Variants in LRRC56 observed in about 807,000 individuals in gnomAD.
The protein encoded by LRRC56 is leucine rich repeat containing 56.
LRRC56 carries 41 observed loss-of-function variants against 47.8 expected under a neutral mutation model. That is an observed-to-expected ratio of 0.86 (90% CI 0.67 to 1.11). The LOEUF is 1.11. Among genes scored for constraint, LRRC56 ranks in the 50% most tolerant of loss-of-function variants. LRRC56 has a pLI of 0.00. For synonymous variants in LRRC56, 387 were observed against 311.2 expected (o/e 1.24, Z -2.56); for missense variants, 759 against 704.2 (o/e 1.08, Z -0.88).
chr11:536,924 C>T (rs997094216), upstream of LRRC56: 1 of 152,264 alleles, frequency 6.6e-6, no homozygotes, highest in African/African-American at 2.4e-5. Flanking sequence ...GCAGTCAGAG[C>T]TCGGCTCGGG....
In LRRC56 at chr11:540,902, G is replaced by A. The variant is rs116598623; in HGVS notation, c.177+41G>A. On this transcript the variant is annotated intron_variant, in intron 4 of 13. Coordinates refer to ENST00000270115, the MANE Select transcript of LRRC56 (RefSeq NM_198075.4). Reference sequence around the variant, plus strand: ...GGGGGCTGTGGCCACAGAGGCCTCCGTGGGGTGACATCCCAGGGCTCCTTC... The same window carrying A: ...GGGGGCTGTGGCCACAGAGGCCTCCATGGGGTGACATCCCAGGGCTCCTTC... 3,159 of 1,455,518 alleles carry A rather than the reference G, an allele frequency of 2.2e-3. 50 individuals carry two copies. The African/African-American group carries it at 0.038, about 18-fold the overall frequency. 90.2% of individuals were successfully genotyped at this position (1,455,518 alleles called of 1,614,324 possible).
At chr11:534,642 C>T (rs1430438488), upstream of LRRC56, 2 of 464,294 alleles carry the variant, frequency 4.3e-6, no homozygotes, top group Non-Finnish European at 7.8e-6. Context: ...CGCTCTCAAC[C>T]ACGCACCCAA....
chr11:516,191 C>G, the LRRC56 span, among the ~76,000 whole-genome samples: 1 of 151,758 alleles, frequency 6.6e-6, no homozygotes, highest in African/African-American at 2.4e-5. Context: ...GCCAGGAGTT[C>G]AAGACCAGCC....
chr11:528,259 G>C, the LRRC56 span, among the ~76,000 whole-genome samples: 2 of 152,252 alleles, frequency 1.3e-5, no homozygotes, highest in Non-Finnish European at 2.9e-5. Flanking sequence ...ATCGTAAGGA[G>C]GCAGCTGGTG....
intron 3 of LRRC56, 120 bp from the exon 4 acceptor site, chr11:540,554 T>A (rs1451698588): frequency 1.6e-6 from 1 of 627,340 alleles, no homozygotes; most frequent in East Asian, 3.4e-5. Flanking sequence ...GGGGTGGGGG[T>A]GGGTGCCAAG....
chr11:536,462 A>T (rs1263166176), upstream of LRRC56, among the ~76,000 whole-genome samples: 1 of 152,216 alleles, frequency 6.6e-6, no homozygotes, highest in East Asian at 1.9e-4. Flanking sequence ...GGAATCAGAA[A>T]TACATCCTCA....
At position 541,447 on chromosome 11, in the gene LRRC56, G is replaced by T; in HGVS notation, c.178-90G>T. On this transcript the variant is annotated intron_variant, in intron 4 of 13. Coordinates refer to ENST00000270115, the MANE Select transcript of LRRC56 (RefSeq NM_198075.4). This position sits in a 1 kb window ranked among gnomAD's most constrained non-coding sequence, Gnocchi z 4.1. The stretch of plus-strand genomic sequence containing the variant: ...GGGAAACGTCGGTGCCTGCTCCAGC[G>T]GGAGCCCCAGAGTCCTGTAGCCAGA... The T allele has an allele frequency of 1.4e-6, 1 of 697,202 alleles. No individual in the cohort carries two copies. The allele number at this position is 697,202 out of a possible 1,614,324, so 43.2% of individuals were successfully genotyped here. A position where few individuals can be genotyped will look rare whatever the true frequency, so the allele number is the denominator to read the frequency against.
intron 5 of LRRC56, among the ~76,000 whole-genome samples, 199 bp from the exon 6 acceptor site, chr11:544,521 C>A (rs1263183484): frequency 3.3e-5 from 5 of 152,178 alleles, no homozygotes; most frequent in African/African-American, 4.8e-5. Context: ...CAGCAGACCC[C>A]TTTGGTGGCC....
chr11:523,156 G>A, the LRRC56 span, among the ~76,000 whole-genome samples: 4 of 152,056 alleles, frequency 2.6e-5, no homozygotes, highest in African/African-American at 9.7e-5. Context: ...AGCCTCCTGA[G>A]TGGCTGGGAT....
chr11:527,922 G>A, the LRRC56 span, among the ~76,000 whole-genome samples: 32 of 152,038 alleles, frequency 2.1e-4, no homozygotes, highest in East Asian at 3.9e-4. Flanking sequence ...GGCTAGTCCC[G>A]AACTCCTGAC....
chr11:550,191 G>A lies in LRRC56; in HGVS notation c.543G>A (p.Leu181=), dbSNP rs1202966307. 1.9e-6 allele frequency: 3 copies of A among 1,612,888 alleles called. No homozygotes were observed. The Admixed American group carries it at 5.0e-5, about 27-fold the overall frequency. The part of the protein sequence containing the change: ...SVEDLGQVRY[L]QLCPRLAMLT... ...AGGACCTGGGGCAGGTGCGCTACTT[G>A]CAGCTGTGCCCACGCCTGGCCATGC... The change falls in exon 8 of 14, where the codon TTG becomes TTA. Residue 181 remains leucine (L), a synonymous_variant. Transcript: ENST00000270115.
chr11:535,841 C>G (rs1851466501), upstream of LRRC56, among the ~76,000 whole-genome samples: 1 of 152,026 alleles, frequency 6.6e-6, no homozygotes, highest in Non-Finnish European at 1.5e-5. Context: ...GGCGGCATCT[C>G]CGAGCAGGGC....
chr11:536,108 AC>A (rs1851481461), upstream of LRRC56, among the ~76,000 whole-genome samples: 2 of 152,006 alleles, frequency 1.3e-5, no homozygotes, highest in African/African-American at 4.8e-5. Context: ...ACCACCACGC[AC>A]CCCAGCTCCC....
At chr11:531,892 C>G in the LRRC56 span, among the ~76,000 whole-genome samples, 1 of 152,214 alleles carries the variant, frequency 6.6e-6, no homozygotes, top group Non-Finnish European at 1.5e-5. Context: ...AAAGGTGATG[C>G]CTCTCACCGC....
In LRRC56 at chr11:554,420, G is replaced by A. The variant is rs1852642446; in HGVS notation, c.*144G>A. The A allele has an allele frequency of 4.4e-6, 3 of 688,132 alleles. No individual in the cohort carries two copies. Among genetic ancestry groups the A allele is most frequent in the South Asian group, 7.1e-5 (2 of 28,144 alleles). 42.6% of individuals were successfully genotyped at this position (688,132 alleles called of 1,614,324 possible). A position where few individuals can be genotyped will look rare whatever the true frequency, so the allele number is the denominator to read the frequency against. On this transcript the variant is annotated 3_prime_UTR_variant, in exon 14 of 14. Coordinates refer to ENST00000270115, the MANE Select transcript of LRRC56 (RefSeq NM_198075.4). ...GGGAGGACCCTCTTGGTGGAGGGGA[G>A]TGGGGGACTGGGACCAGCCAGGGAG...
the LRRC56 span, among the ~76,000 whole-genome samples, chr11:507,804 T>C: frequency 1.6e-4 from 25 of 152,220 alleles, 1 homozygote. Context: ...TGAACCACGC[T>C]GCCCGTCCTG....
chr11:552,309 G>C, intron 12 of LRRC56, 77 bp downstream of exon 12: 1 of 1,533,558 alleles, frequency 6.5e-7, no homozygotes, highest in Non-Finnish European at 8.9e-7. Context: ...CCTTGGCTGA[G>C]TCATCCCCAG....
intron 5 of LRRC56, among the ~76,000 whole-genome samples, chr11:543,207 T>C (rs1851892059): frequency 2.1e-5 from 2 of 95,098 alleles, no homozygotes; most frequent in Admixed American, 2.4e-4. Context: ...GCCTGTTTTT[T>C]GTTTTTTTCA....
Position 554,431 on chromosome 11 carries a change from G to C in LRRC56, c.*155G>C, listed in dbSNP as rs113772540. On this transcript the variant is annotated 3_prime_UTR_variant, in exon 14 of 14. Coordinates refer to ENST00000270115, the MANE Select transcript of LRRC56 (RefSeq NM_198075.4). The stretch of plus-strand genomic sequence containing the variant: ...CTTGGTGGAGGGGAGTGGGGGACTG[G>C]GACCAGCCAGGGAGGCAGCAGAGGC... 1.7e-4 allele frequency: 107 copies of C among 614,226 alleles called. No homozygotes were observed. In the African/African-American group the frequency reaches 1.9e-3, roughly 11 times the overall value. 38.0% of individuals were successfully genotyped at this position (614,226 alleles called of 1,614,324 possible). A position where few individuals can be genotyped will look rare whatever the true frequency, so the allele number is the denominator to read the frequency against.
Sources: gnomAD v4.1 joint callset for allele counts (sites outside exome capture counted in the v4.1 genomes callset) on GRCh38, gnomAD v4.1.1 for gene constraint, Gnocchi (gnomAD v3.1) non-coding constraint, MANE v1.5 for transcripts, NCBI Gene and HGNC (gene_info 2026-07-23, HGNC 2026-07-21) for gene names.